The following MAPKAP1 variants were observed in gnomAD, a reference collection of about 807,000 sequenced individuals.
MAPKAP1 encodes the protein target of rapamycin complex 2 subunit MAPKAP1.
A neutral mutation model predicts 65.7 loss-of-function variants in MAPKAP1; 20 were observed. The observed-to-expected ratio is 0.30, with a 90% confidence interval of 0.21 to 0.44. The LOEUF (loss-of-function observed/expected upper bound fraction) is 0.44, where lower values mean the gene tolerates loss of function less well. Ranked by LOEUF, MAPKAP1 falls within the 20% of genes least tolerant of loss-of-function variation. The probability of loss-of-function intolerance (pLI) is 1.00; values close to 1 mark genes in which losing one functional copy is unlikely to be tolerated. For missense variants in MAPKAP1, 423 were observed against 648.0 expected (o/e 0.65, Z 3.77); for synonymous variants, 222 against 244.3 (o/e 0.91, Z 0.85).
intron 7 of MAPKAP1, chr9:125,521,853 G>T: frequency 8.3e-7 from 1 of 1,210,994 alleles, no homozygotes; most frequent in South Asian, 1.3e-5. Context: ...ACTCCAACCT[G>T]AGTCAGTGGA....
chr9:125,680,264 A>G (rs2131821058), intron 1 of MAPKAP1, among the ~76,000 whole-genome samples: 1 of 152,214 alleles, frequency 6.6e-6, no homozygotes, highest in Non-Finnish European at 1.5e-5. Flanking sequence ...GCTTTTTATT[A>G]TATACAACGT....
At position 125,693,696 on chromosome 9, in the gene MAPKAP1, CACGTAT is replaced by C. The variant is rs1835272369; in HGVS notation, c.-70+13269_-70+13274del. On this transcript the variant is annotated intron_variant, in intron 1 of 11. Transcript: ENST00000265960. The stretch of plus-strand genomic sequence containing the variant: ...ACACGTATATATACACGTATATATA[CACGTAT>C]ATATACACATATATACACGTATATA... Among the ~76,000 whole-genome samples, 6 of 123,446 alleles carry C rather than the reference CACGTAT, an allele frequency of 4.9e-5. 1 individual carries two copies. Among genetic ancestry groups the C allele is most frequent in the African/African-American group, 2.1e-4 (6 of 27,966 alleles). 81.0% of individuals were successfully genotyped at this position (123,446 alleles called of 152,430 possible).
rs1459985776 is a variant in MAPKAP1 at position 125,525,468 on chromosome 9, G to T, written c.958+17591C>A. Reference sequence around the variant, plus strand: ...GTGGGCAGATCACCTGAGGTCGGGGGTTCAAGACCAGCCTGACCAACATGA... The same window carrying T: ...GTGGGCAGATCACCTGAGGTCGGGGTTTCAAGACCAGCCTGACCAACATGA... On this transcript the variant is annotated intron_variant, in intron 7 of 11. Transcript: ENST00000265960. Among the ~76,000 whole-genome samples the T allele has an allele frequency of 3.3e-5, 5 of 152,122 alleles. 1 individual carries two copies. The highest frequency in any genetic ancestry group is 1.3e-4 in the Admixed American group (2 of 15,270).
intron 7 of MAPKAP1, among the ~76,000 whole-genome samples, chr9:125,520,586 G>A (rs894748053): frequency 6.6e-5 from 10 of 152,038 alleles, no homozygotes; most frequent in African/African-American, 2.2e-4. Context: ...GGACTTCTTC[G>A]TGCAACCCAC....
intron 1 of MAPKAP1, among the ~76,000 whole-genome samples, chr9:125,701,321 T>C (rs1221556700): frequency 2.0e-5 from 3 of 152,244 alleles, no homozygotes; most frequent in African/African-American, 7.2e-5. Context: ...AGTAAAAGTA[T>C]ACTCAAGTAT....
chr9:125,574,699 A>AT (rs1218970035), intron 5 of MAPKAP1, among the ~76,000 whole-genome samples: 1 of 152,236 alleles, frequency 6.6e-6, no homozygotes, highest in African/African-American at 2.4e-5. Flanking sequence ...AAAGGACTAA[A>AT]TTACACTACT....
At chr9:125,581,288 C>T (rs1216383693) in intron 5 of MAPKAP1, among the ~76,000 whole-genome samples, 3 of 152,204 alleles carry the variant, frequency 2.0e-5, no homozygotes, top group Non-Finnish European at 4.4e-5. Flanking sequence ...AAGTATTTTC[C>T]AGAATGACTA....
chr9:125,698,319 ATATATATATATATATAT>A (rs1564622574), intron 1 of MAPKAP1, among the ~76,000 whole-genome samples: 2 of 107,768 alleles, frequency 1.9e-5, no homozygotes, highest in Non-Finnish European at 3.5e-5. Context: ...ATATATATAT[ATATATATATATATATAT>A]AAAATATATA....
intron 1 of MAPKAP1, among the ~76,000 whole-genome samples, chr9:125,692,722 A>AT (rs1177505310): frequency 2.0e-5 from 3 of 152,198 alleles, no homozygotes; most frequent in South Asian, 2.1e-4. Flanking sequence ...TACATCCTAG[A>AT]TTTTTTCTAA....
chr9:125,655,412 T>C (rs1834002062), intron 4 of MAPKAP1, among the ~76,000 whole-genome samples: 1 of 152,186 alleles, frequency 6.6e-6, no homozygotes, highest in South Asian at 2.1e-4. Flanking sequence ...CATGGTGCTG[T>C]TATAACTACT....
chr9:125,564,447 G>A (rs1830987799), intron 5 of MAPKAP1, among the ~76,000 whole-genome samples: 1 of 151,986 alleles, frequency 6.6e-6, no homozygotes, highest in Non-Finnish European at 1.5e-5. Flanking sequence ...CTTTATAAAA[G>A]ATTTATTTTT....
intron 1 of MAPKAP1, among the ~76,000 whole-genome samples, chr9:125,691,463 A>G (rs1835169236): frequency 6.6e-6 from 1 of 152,206 alleles, no homozygotes; most frequent in East Asian, 1.9e-4. Context: ...TCAGATGTCT[A>G]TGGATTACCC....
rs56911891 is a variant in MAPKAP1, at chr9:125,554,794, C to CAAA, written c.848+4836_848+4838dup. Among the ~76,000 whole-genome samples the CAAA allele has an allele frequency of 0.014, 947 of 65,524 alleles. 62 individuals are homozygous for CAAA. The East Asian group carries it at 0.15, about 10-fold the overall frequency. The allele number at this position is 65,524 out of a possible 152,430, so 43.0% of individuals were successfully genotyped here. A position where few individuals can be genotyped will look rare whatever the true frequency, so the allele number is the denominator to read the frequency against. On this transcript the variant is annotated intron_variant, in intron 6 of 11. Coordinates refer to ENST00000265960, the MANE Select transcript of MAPKAP1 (RefSeq NM_001006617.3). ...CTAGGCCACACAGCAAGACACTTAT[C>CAAA]AAAAAAAAAAAAAAAAAAAAAAAGC...
At chr9:125,616,961 G>T (rs1832763441) in intron 4 of MAPKAP1, among the ~76,000 whole-genome samples, 1 of 152,078 alleles carries the variant, frequency 6.6e-6, no homozygotes, top group Admixed American at 6.5e-5. Context: ...CTTAGTAAAG[G>T]TTAAGTATTT....
intron 7 of MAPKAP1, among the ~76,000 whole-genome samples, chr9:125,542,148 C>CT (rs908978662): frequency 1.3e-5 from 2 of 152,176 alleles, no homozygotes; most frequent in Admixed American, 1.3e-4. Context: ...TATCGTTCCC[C>CT]TGGAATATGG....
intron 5 of MAPKAP1, among the ~76,000 whole-genome samples, chr9:125,563,640 A>G (rs990178123): frequency 7.2e-5 from 11 of 152,290 alleles, no homozygotes; most frequent in African/African-American, 2.6e-4. Flanking sequence ...CTTAACAAAC[A>G]TTTGTTGAAT....
intron 4 of MAPKAP1, among the ~76,000 whole-genome samples, chr9:125,599,489 G>C (rs939978839): frequency 1.3e-5 from 2 of 151,994 alleles, no homozygotes; most frequent in African/African-American, 4.8e-5. Flanking sequence ...AAAAAACTTG[G>C]TTACTAAACA....
rs1449696296 is a variant in MAPKAP1 at position 125,608,150 on chromosome 9, A to G, written c.499-22423T>C. ...TCATAGTGTTATTAGAAAAAGAAAA[A>G]AAGAATAGTAGCAGACATGCTTCGA... is the stretch of plus-strand genomic sequence containing the variant. On this transcript the variant is annotated intron_variant, in intron 4 of 11. Transcript: ENST00000265960. Among the ~76,000 whole-genome samples, 6 of 152,230 alleles carry G rather than the reference A, an allele frequency of 3.9e-5. No homozygotes were observed. In the East Asian group the frequency reaches 1.2e-3, roughly 29 times the overall value.
chr9:125,619,797 T>TA (rs202077488), intron 4 of MAPKAP1, among the ~76,000 whole-genome samples: 78 of 147,476 alleles, frequency 5.3e-4, no homozygotes, highest in Admixed American at 2.0e-4. Flanking sequence ...TTCGCTACAA[T>TA]AAAAAAAAAA....
Sources: gnomAD v4.1 joint callset for allele counts (sites outside exome capture counted in the v4.1 genomes callset) on GRCh38, gnomAD v4.1.1 for gene constraint, MANE v1.5 for transcripts, NCBI Gene and HGNC (gene_info 2026-07-23, HGNC 2026-07-21) for gene names.